Variants in PCDHGB4 observed in about 807,000 individuals in gnomAD.
The protein encoded by PCDHGB4 is protocadherin gamma subfamily B, 4.
In PCDHGB4, 38 loss-of-function variants were observed where a neutral mutation model predicts 60.5. The ratio of observed to expected loss-of-function variants is 0.63; its 90% CI spans 0.48 to 0.82. PCDHGB4 has a LOEUF of 0.82. Among genes scored for constraint, PCDHGB4 ranks in the 40% least tolerant of loss-of-function variants. The pLI, the probability that PCDHGB4 is intolerant of heterozygous loss-of-function variation, is 0.00. For missense variants in PCDHGB4, 1,109 were observed against 1,209.6 expected, an observed-to-expected ratio of 0.92 and a Z score of 1.23; for synonymous variants, 456 against 509.7, an observed-to-expected ratio of 0.89 and a Z score of 1.42.
At chr5:141,421,638 C>G (rs775131295) in intron 1 of PCDHGB4, 2 of 1,613,770 alleles carry the variant, frequency 1.2e-6, no homozygotes, top group South Asian at 1.1e-5. Context: ...TCCAGGAGGA[C>G]GAAGTGGAGA....
intron 1 of PCDHGB4, chr5:141,478,270 C>G (rs1347709530): frequency 5.6e-6 from 9 of 1,614,078 alleles, no homozygotes; most frequent in Non-Finnish European, 6.8e-6. Context: ...TCAAAGTTTA[C>G]AAGTGGAAGC....
In PCDHGB4 at chr5:141,477,013, T is replaced by A. The variant is rs1285961519; in HGVS notation, c.2398-17794T>A. On this transcript the variant is annotated intron_variant, in intron 1 of 3. Coordinates refer to ENST00000519479, the MANE Select transcript of PCDHGB4 (RefSeq NM_003736.4). This position sits in a 1 kb window ranked among gnomAD's most constrained non-coding sequence, Gnocchi z 4.9. ...TGCGGCAACTATTCGCCTTAGACCT[T>A]GTAACCGGGATGCTGACAATCAAGG... is the stretch of plus-strand genomic sequence containing the variant. 6.2e-7 allele frequency: 1 copy of A among 1,614,204 alleles called. No individual in the cohort carries two copies. The highest frequency in any genetic ancestry group is 2.2e-5 in the East Asian group (1 of 44,878).
chr5:141,500,680 T>C (rs999167635), intron 2 of PCDHGB4, among the ~76,000 whole-genome samples: 7 of 152,224 alleles, frequency 4.6e-5, no homozygotes, highest in Non-Finnish European at 7.3e-5. Context: ...AACAGAATTA[T>C]AGCTTTTTTC....
chr5:141,415,017 G>A lies in PCDHGB4; in HGVS notation c.2397+24736G>A, dbSNP rs1344566574. ...CCTGGCTGTCCTACCGTCTGCTCAA[G>A]GCCAGCGAGCCGGGACTCTTCGCGG... On this transcript the variant is annotated intron_variant, in intron 1 of 3. Transcript: ENST00000519479. The A allele has an allele frequency of 1.9e-6, 3 of 1,613,574 alleles. No homozygotes were observed. In the Admixed American group the frequency reaches 5.0e-5, roughly 27 times the overall value.
rs2099697598 is a variant in PCDHGB4 at position 141,490,236 on chromosome 5, C to T, written c.2398-4571C>T. On this transcript the variant is annotated intron_variant, in intron 1 of 3. Coordinates refer to ENST00000519479, the MANE Select transcript of PCDHGB4 (RefSeq NM_003736.4). This position sits in a 1 kb window ranked among gnomAD's most constrained non-coding sequence, Gnocchi z 5.4. ...ACCAGGGACAGCCTGCCATGGAGGG[C>T]CACTGTGTGATTCAAGTGGATGTGG... is the stretch of plus-strand genomic sequence containing the variant. 1 of 1,614,078 alleles carries T rather than the reference C, an allele frequency of 6.2e-7. No homozygotes were observed. The highest frequency in any genetic ancestry group is 1.1e-5 in the South Asian group (1 of 91,088).
Position 141,431,996 on chromosome 5 carries a change from G to A in PCDHGB4, c.2397+41715G>A, listed in dbSNP as rs766891220. ...AGTCACAGACATAGTCTTGGATAGGGAACAGGTTCCTAGCTACAACATCAC... is the reference window on the plus strand; with the variant it reads ...AGTCACAGACATAGTCTTGGATAGGAAACAGGTTCCTAGCTACAACATCAC... On this transcript the variant is annotated intron_variant, in intron 1 of 3. Transcript: ENST00000519479. The surrounding 1 kb of genome is among the most constrained non-coding windows in gnomAD (Gnocchi z 4.8). 1.9e-6 allele frequency: 3 copies of A among 1,614,192 alleles called. No homozygotes were observed. In the East Asian group the frequency reaches 6.7e-5, roughly 36 times the overall value.
rs756635794 is a variant in PCDHGB4 at position 141,388,988 on chromosome 5, A to G, written c.1104A>G (p.Lys368=). The change falls in exon 1 of 4, where the codon AAA becomes AAG. Residue 368 remains lysine (K), a synonymous_variant. Transcript: ENST00000519479. The part of the protein sequence containing the change: ...AELGTHIALL[K]VRDKDSRHNG... ...TGGGAACACATATTGCTTTGCTCAAAGTCCGTGACAAGGATTCCAGACACA... is the reference window on the plus strand; with the variant it reads ...TGGGAACACATATTGCTTTGCTCAAGGTCCGTGACAAGGATTCCAGACACA... 6.2e-7 allele frequency: 1 copy of G among 1,614,076 alleles called. No individual in the cohort carries two copies. Among genetic ancestry groups the G allele is most frequent in the Non-Finnish European group, 8.5e-7 (1 of 1,179,902 alleles).
At position 141,476,418 on chromosome 5, in the gene PCDHGB4, T is replaced by C. The variant is rs201255025; in HGVS notation, c.2398-18389T>C. On this transcript the variant is annotated intron_variant, in intron 1 of 3. Transcript: ENST00000519479. This position sits in a 1 kb window ranked among gnomAD's most constrained non-coding sequence, Gnocchi z 7.6. The stretch of plus-strand genomic sequence containing the variant: ...GATCGAGAGGAGCTGTGTGGGACAC[T>C]GCCCTCTTGCACTGTAACTCTGGAG... 6.2e-7 allele frequency: 1 copy of C among 1,614,122 alleles called. No individual in the cohort carries two copies. Among genetic ancestry groups the C allele is most frequent in the Non-Finnish European group, 8.5e-7 (1 of 1,180,002 alleles).
Position 141,489,409 on chromosome 5 carries a change from A to T in PCDHGB4, c.2398-5398A>T. On this transcript the variant is annotated intron_variant, in intron 1 of 3. Transcript: ENST00000519479. The surrounding 1 kb of genome is among the most constrained non-coding windows in gnomAD (Gnocchi z 4.5). ...TGCTCAGGATCTGGGCTTAAAGATG[A>T]CAGATCTGTTGAGCCGGCGGCTGCA... 1.9e-6 allele frequency: 3 copies of T among 1,614,114 alleles called. No homozygotes were observed. The highest frequency in any genetic ancestry group is 2.5e-6 in the Non-Finnish European group (3 of 1,180,004).
chr5:141,389,657 G>A lies in PCDHGB4; in HGVS notation c.1773G>A (p.Ala591=), dbSNP rs372714152. ...EPGYLVTKVV[A]VDADSGHNAW... The stretch of plus-strand genomic sequence containing the variant: ...GCTACTTGGTGACCAAGGTAGTGGC[G>A]GTGGACGCAGACTCAGGACACAACG... The change falls in exon 1 of 4, where the codon GCG becomes GCA. Residue 591 remains alanine, a synonymous_variant. Transcript: ENST00000519479. The A allele has an allele frequency of 6.2e-5, 100 of 1,612,554 alleles. 2 individuals are homozygous for A. In the African/African-American group the frequency reaches 1.0e-3, roughly 17 times the overall value.
At chr5:141,466,684 G>A (rs1337230884) in intron 1 of PCDHGB4, among the ~76,000 whole-genome samples, 1 of 152,034 alleles carries the variant, frequency 6.6e-6, no homozygotes, top group Non-Finnish European at 1.5e-5. Flanking sequence ...TTCCACTCAA[G>A]CTTCATCATA....
chr5:141,498,725 A>AGT (rs2099785409), intron 2 of PCDHGB4, among the ~76,000 whole-genome samples: 1 of 152,150 alleles, frequency 6.6e-6, no homozygotes, highest in Non-Finnish European at 1.5e-5. Flanking sequence ...TGAGGTCAGG[A>AGT]GTTTGAGACC....
In PCDHGB4 at chr5:141,491,158, GA is replaced by G; in HGVS notation, c.2398-3648del. On this transcript the variant is annotated intron_variant, in intron 1 of 3. Transcript: ENST00000519479. This position sits in a 1 kb window ranked among gnomAD's most constrained non-coding sequence, Gnocchi z 6.9. ...CCGGGCCTTACTGGAGGATGACTCT[GA>G]CACCCAGCAGGTGGTGGTCCTGGTG... 6.2e-7 allele frequency: 1 copy of G among 1,614,130 alleles called. No homozygotes were observed. The highest frequency in any genetic ancestry group is 8.5e-7 in the Non-Finnish European group (1 of 1,179,972).
intron 1 of PCDHGB4, among the ~76,000 whole-genome samples, chr5:141,438,498 CAT>C (rs2097963931): frequency 6.7e-6 from 1 of 149,704 alleles, no homozygotes; most frequent in African/African-American, 2.5e-5. Context: ...AAAAAAGAAT[CAT>C]AGTGCAAAAC....
intron 1 of PCDHGB4, chr5:141,422,941 G>A (rs777535652): frequency 9.9e-6 from 16 of 1,614,218 alleles, no homozygotes; most frequent in East Asian, 4.5e-5. Context: ...CCCCACAGAC[G>A]GCTCCACTGG....
chr5:141,476,142 G>T lies in PCDHGB4; in HGVS notation c.2398-18665G>T. 6.2e-7 allele frequency: 1 copy of T among 1,610,446 alleles called. No individual in the cohort carries two copies. Among genetic ancestry groups the T allele is most frequent in the South Asian group, 1.1e-5 (1 of 90,868 alleles). On this transcript the variant is annotated intron_variant, in intron 1 of 3. Coordinates refer to ENST00000519479, the MANE Select transcript of PCDHGB4 (RefSeq NM_003736.4). The surrounding 1 kb of genome is among the most constrained non-coding windows in gnomAD (Gnocchi z 7.6). Reference sequence around the variant, plus strand: ...ATGGTCCCAGAGGCCTGGAGGAGCGGACTGGTAAGCACCGGGAGGGTAGTG... The same window carrying T: ...ATGGTCCCAGAGGCCTGGAGGAGCGTACTGGTAAGCACCGGGAGGGTAGTG...
At chr5:141,398,611 A>G (rs2093677658) in intron 1 of PCDHGB4, 4 of 1,613,944 alleles carry the variant, frequency 2.5e-6, no homozygotes, top group African/African-American at 1.3e-5. Context: ...AGATGCAGAT[A>G]TTGGCTTAAA....
intron 1 of PCDHGB4, among the ~76,000 whole-genome samples, chr5:141,437,364 T>C (rs1026384836): frequency 6.6e-6 from 1 of 152,232 alleles, no homozygotes; most frequent in African/African-American, 2.4e-5. Flanking sequence ...AAAATTGGAA[T>C]GTAATCAGTC....
chr5:141,410,462 CTG>C (rs1258642453), intron 1 of PCDHGB4: 1 of 1,613,924 alleles, frequency 6.2e-7, no homozygotes, highest in East Asian at 2.2e-5. Context: ...TTCTTATAAT[CTG>C]TGCATTGCAC....
Sources: allele counts gnomAD v4.1 joint callset (sites outside exome capture counted in the v4.1 genomes callset), GRCh38; gene constraint gnomAD v4.1.1; non-coding constraint Gnocchi (gnomAD v3.1); transcripts MANE v1.5; gene names NCBI Gene and HGNC (gene_info 2026-07-23, HGNC 2026-07-21).